Variants in TMEM232 observed in about 807,000 individuals in gnomAD.
The protein encoded by TMEM232 is transmembrane protein 232.
Under a neutral mutation model 78.8 loss-of-function variants are expected in TMEM232, and 80 were observed. The ratio of observed to expected loss-of-function variants is 1.01; its 90% CI spans 0.85 to 1.22. The LOEUF is 1.22. TMEM232 is among the 50% of genes most tolerant of loss of function. The pLI, the probability that TMEM232 is intolerant of heterozygous loss-of-function variation, is 0.00. For synonymous variants in TMEM232, 297 were observed against 254.3 expected (o/e 1.17, Z -1.60); for missense variants, 881 against 742.2 (o/e 1.19, Z -2.17).
Position 110,477,517 on chromosome 5 carries a change from A to G in TMEM232, c.1703+51071T>C, listed in dbSNP as rs745753036. On this transcript the variant is annotated intron_variant, in intron 12 of 13. Coordinates refer to ENST00000455884, the MANE Select transcript of TMEM232 (RefSeq NM_001039763.4). The stretch of plus-strand genomic sequence containing the variant: ...GTTTTATCTGTCAGCAAGTTGAAAT[A>G]TGAAAGTATAATATTAACAATAATA... Among the ~76,000 whole-genome samples the G allele has an allele frequency of 6.8e-4, 103 of 151,932 alleles. 1 individual carries two copies. Among genetic ancestry groups the G allele is most frequent in the Non-Finnish European group, 1.3e-4 (9 of 67,878 alleles).
intron 5 of TMEM232, among the ~76,000 whole-genome samples, chr5:110,632,168 G>T (rs561686826): frequency 6.6e-6 from 1 of 151,856 alleles, no homozygotes; most frequent in African/African-American, 2.4e-5. Context: ...ATCATACAGG[G>T]ACTGCACTAT....
chr5:110,445,029 T>A (rs80026659), intron 12 of TMEM232, among the ~76,000 whole-genome samples: 4 of 152,024 alleles, frequency 2.6e-5, no homozygotes, highest in African/African-American at 9.7e-5. Flanking sequence ...TCTTTCTTTC[T>A]TATTCATATA....
chr5:110,587,737 G>GTC (rs1735824108), intron 10 of TMEM232, among the ~76,000 whole-genome samples: 2 of 134,470 alleles, frequency 1.5e-5, no homozygotes, highest in Non-Finnish European at 3.1e-5. Context: ...GTGTGTGTGT[G>GTC]TCAAACTTGT....
intron 10 of TMEM232, among the ~76,000 whole-genome samples, chr5:110,597,950 T>A (rs1277952670): frequency 6.6e-6 from 1 of 152,156 alleles, no homozygotes; most frequent in Non-Finnish European, 1.5e-5. Flanking sequence ...GACATAGGCA[T>A]GGGCAAGGAC....
chr5:110,468,288 G>C (rs1473906139), intron 12 of TMEM232, among the ~76,000 whole-genome samples: 1 of 150,254 alleles, frequency 6.7e-6, no homozygotes, highest in Non-Finnish European at 1.5e-5. Flanking sequence ...TCATATAAGA[G>C]CATAAAATAA....
At chr5:110,618,816 A>G (rs1783268777) in intron 7 of TMEM232, among the ~76,000 whole-genome samples, 1 of 152,180 alleles carries the variant, frequency 6.6e-6, no homozygotes, top group African/African-American at 2.4e-5. Flanking sequence ...CAATACAGCA[A>G]AAATTCTGGA....
intron 1 of TMEM232, among the ~76,000 whole-genome samples, chr5:110,671,056 C>T (rs1791289498): frequency 6.6e-6 from 1 of 151,946 alleles, no homozygotes; most frequent in Non-Finnish European, 1.5e-5. Context: ...TAAAAGCAAA[C>T]CGATGAAAGA....
intron 1 of TMEM232, among the ~76,000 whole-genome samples, chr5:110,725,345 C>A (rs1294604545): frequency 3.9e-5 from 6 of 152,136 alleles, no homozygotes; most frequent in Non-Finnish European, 8.8e-5. Context: ...CTAAAGAAAT[C>A]TTTAGAACAT....
chr5:110,437,608 T>C (rs1386985789), intron 12 of TMEM232, among the ~76,000 whole-genome samples: 1 of 152,012 alleles, frequency 6.6e-6, no homozygotes, highest in Non-Finnish European at 1.5e-5. Flanking sequence ...TACTAGTACA[T>C]GCATATTATA....
chr5:110,549,034 G>A (rs962043345), intron 11 of TMEM232, among the ~76,000 whole-genome samples: 3 of 151,870 alleles, frequency 2.0e-5, no homozygotes, highest in African/African-American at 7.2e-5. Context: ...TTTAAATAGA[G>A]ATAACAGAAA....
chr5:110,616,335 A>G (rs901076027), intron 8 of TMEM232, among the ~76,000 whole-genome samples: 1 of 152,016 alleles, frequency 6.6e-6, no homozygotes, highest in Non-Finnish European at 1.5e-5. Flanking sequence ...TCTCTTCAAT[A>G]CATGGTATTG....
intron 1 of TMEM232, among the ~76,000 whole-genome samples, chr5:110,698,303 G>A (rs1279009858): frequency 6.6e-6 from 1 of 151,866 alleles, no homozygotes; most frequent in African/African-American, 2.4e-5. Context: ...GGTGGAGGGG[G>A]AGGGATAGCA....
chr5:110,413,432 C>T (rs187846537), intron 2 of TMEM232, among the ~76,000 whole-genome samples: 163 of 152,252 alleles, frequency 1.1e-3, no homozygotes, highest in African/African-American at 3.9e-3. Context: ...TTGCAGATGG[C>T]CTATTGTGGG....
chr5:110,474,357 A>G (rs1030999491), intron 12 of TMEM232, among the ~76,000 whole-genome samples: 1 of 151,884 alleles, frequency 6.6e-6, no homozygotes, highest in East Asian at 1.9e-4. Flanking sequence ...ATTTTTTAAA[A>G]CCTACAGCTA....
intron 12 of TMEM232, among the ~76,000 whole-genome samples, chr5:110,500,977 A>G (rs1327994089): frequency 2.0e-5 from 3 of 152,236 alleles, no homozygotes; most frequent in Non-Finnish European, 4.4e-5. Context: ...AAAATGCAAG[A>G]TACAAAATGA....
At chr5:110,618,656 A>G (rs890178740) in intron 7 of TMEM232, 94 bp from the exon 8 acceptor site, 2 of 1,260,152 alleles carry the variant, frequency 1.6e-6, no homozygotes, top group South Asian at 1.6e-5. Flanking sequence ...AATTTTAAAT[A>G]TACAAATGAA....
At chr5:110,561,110 T>A (rs1422283612) in intron 11 of TMEM232, among the ~76,000 whole-genome samples, 1 of 152,166 alleles carries the variant, frequency 6.6e-6, no homozygotes, top group Non-Finnish European at 1.5e-5. Context: ...CAATCCTTTT[T>A]ATATTCTTGT....
intron 1 of TMEM232, among the ~76,000 whole-genome samples, chr5:110,716,740 A>ACAGAT (rs1158839838): frequency 1.3e-5 from 2 of 152,132 alleles, no homozygotes; most frequent in African/African-American, 4.8e-5. Flanking sequence ...TCCCTGTTTT[A>ACAGAT]CAGATTGTCA....
intron 11 of TMEM232, among the ~76,000 whole-genome samples, chr5:110,534,930 C>T (rs187641085): frequency 8.4e-4 from 128 of 152,086 alleles, no homozygotes; most frequent in African/African-American, 2.9e-3. Flanking sequence ...ACAATATCAC[C>T]CCTTACCACA....
Sources: allele counts gnomAD v4.1 joint callset (sites outside exome capture counted in the v4.1 genomes callset), GRCh38; gene constraint gnomAD v4.1.1; transcripts MANE v1.5; gene names NCBI Gene and HGNC (gene_info 2026-07-23, HGNC 2026-07-21).